Variants in ELN observed in about 807,000 individuals in gnomAD.
ELN encodes the protein tropoelastin.
ELN carries 65 observed loss-of-function variants against 105.8 expected under a neutral mutation model. That is an observed-to-expected ratio of 0.61 (90% CI 0.50 to 0.75). The LOEUF (loss-of-function observed/expected upper bound fraction) is 0.75. Among genes scored for constraint, ELN ranks in the 30% least tolerant of loss-of-function variants. The pLI, the probability that ELN is intolerant of heterozygous loss-of-function variation, is 0.00. For missense variants in ELN, 882 were observed against 969.4 expected (o/e 0.91, Z 1.20); for synonymous variants, 368 against 389.2 (o/e 0.95, Z 0.64).
intron 5 of ELN, 23 bp downstream of exon 5, chr7:74,041,274 G>C: frequency 6.2e-7 from 1 of 1,613,796 alleles, no homozygotes; most frequent in Non-Finnish European, 8.5e-7. Flanking sequence ...ACCCAAGAAA[G>C]ATATCCCCTG....
chr7:74,038,463 T>C (rs1213624723), intron 4 of ELN, among the ~76,000 whole-genome samples: 4 of 152,186 alleles, frequency 2.6e-5, no homozygotes, highest in African/African-American at 9.7e-5. Context: ...AGTTTTCCAG[T>C]AAGAAGGTGT....
At chr7:74,029,472 G>C (rs538465096) in intron 1 of ELN, among the ~76,000 whole-genome samples, 1 of 152,062 alleles carries the variant, frequency 6.6e-6, no homozygotes, top group African/African-American at 2.4e-5. Context: ...TGGTAGGGGG[G>C]TCTGGGTGGA....
chr7:74,042,550 C>T, intron 5 of ELN, 64 bp from the exon 6 acceptor site: 2 of 1,486,420 alleles, frequency 1.3e-6, no homozygotes, highest in South Asian at 1.2e-5. Flanking sequence ...CCAGGCAGGG[C>T]CAGAGCGTAG....
At chr7:74,043,450 A>G (rs1266776606) in intron 8 of ELN, 4 of 699,426 alleles carry the variant, frequency 5.7e-6, no homozygotes, top group Non-Finnish European at 1.0e-5. Context: ...CAAAGAGGCG[A>G]GTCAGTGTGG....
At chr7:74,042,467 T>C (rs1791453359) in intron 5 of ELN, 147 bp from the exon 6 acceptor site, 3 of 691,376 alleles carry the variant, frequency 4.3e-6, no homozygotes, top group Non-Finnish European at 7.5e-6. Flanking sequence ...AGTGCTCACA[T>C]GGATGTCCTG....
chr7:74,033,583 A>C (rs1424116284), intron 1 of ELN, among the ~76,000 whole-genome samples: 1 of 152,208 alleles, frequency 6.6e-6, no homozygotes, highest in Non-Finnish European at 1.5e-5. Context: ...GCAGTGCCTG[A>C]GGAGCCACAA....
Position 74,068,795 on chromosome 7 carries a change from C to G in ELN, c.*95C>G, listed in dbSNP as rs181078432. On this transcript the variant is annotated 3_prime_UTR_variant, in exon 33 of 33. Coordinates refer to ENST00000252034, the MANE Select transcript of ELN (RefSeq NM_000501.4). Reference sequence around the variant, plus strand: ...TTTGTAACCCCATCCCATGCCCCTCCGACTCCCCACCCCAGGAGGGAACGG... The same window carrying G: ...TTTGTAACCCCATCCCATGCCCCTCGGACTCCCCACCCCAGGAGGGAACGG... 1.4e-6 allele frequency: 2 copies of G among 1,472,758 alleles called. No homozygotes were observed. The highest frequency in any genetic ancestry group is 2.3e-5 in the South Asian group (2 of 87,960). The allele number at this position is 1,472,758 out of a possible 1,614,324, so 91.2% of individuals were successfully genotyped here.
chr7:74,055,763 G>T (rs942576372), intron 19 of ELN, among the ~76,000 whole-genome samples: 1 of 149,732 alleles, frequency 6.7e-6, no homozygotes, highest in Admixed American at 6.7e-5. Flanking sequence ...TTATGGGCAT[G>T]AGCCACTGCA....
chr7:74,057,822 G>A, intron 22 of ELN, 126 bp downstream of exon 22: 2 of 1,122,846 alleles, frequency 1.8e-6, no homozygotes, highest in Middle Eastern at 2.9e-4. Context: ...TTCTGGGGTG[G>A]GCCCTCCTTA....
At chr7:74,055,821 C>G (rs1219808546) in intron 19 of ELN, among the ~76,000 whole-genome samples, 15 of 150,716 alleles carry the variant, frequency 1.0e-4, no homozygotes, top group Admixed American at 2.0e-4. Flanking sequence ...GAGTCTTGCT[C>G]TGTCACCCAG....
intron 5 of ELN, among the ~76,000 whole-genome samples, chr7:74,042,278 A>AG (rs1791410136): frequency 6.6e-6 from 1 of 150,852 alleles, no homozygotes; most frequent in Non-Finnish European, 1.5e-5. Context: ...AAAAAAAAAA[A>AG]TTTGCCGGGC....
chr7:74,044,858 A>G (rs966641381), intron 9 of ELN, among the ~76,000 whole-genome samples: 28 of 152,128 alleles, frequency 1.8e-4, no homozygotes, highest in African/African-American at 6.0e-4. Context: ...AGCCCCAGAG[A>G]GCATGGGCCT....
chr7:74,056,473 G>C (rs1218325089), intron 20 of ELN, 38 bp downstream of exon 20: 1 of 1,612,598 alleles, frequency 6.2e-7, no homozygotes, highest in Non-Finnish European at 8.5e-7. Flanking sequence ...GGGTTGAGAA[G>C]GGATGGGGGC....
In ELN at chr7:74,056,666, T is replaced by C. The variant is rs891277914; in HGVS notation, c.1316-6T>C. ...GAGGGTCTCTTTCTTTCTCGTTTCC[T>C]TGTAGCCGAAGCTCAGGCAGCAGCT... is the stretch of plus-strand genomic sequence containing the variant. On this transcript the variant is annotated splice_polypyrimidine_tract_variant and splice_region_variant and intron_variant, in intron 20 of 32. Transcript: ENST00000252034. The C allele has an allele frequency of 6.2e-7, 1 of 1,613,878 alleles. No individual in the cohort carries two copies. The highest frequency in any genetic ancestry group is 8.5e-7 in the Non-Finnish European group (1 of 1,180,034).
In ELN at chr7:74,042,752, TG is replaced by T. The variant is rs781880720; in HGVS notation, c.325+50del. ...CATGCCACAAGCCCTCTGGCTTCCG[TG>T]GGGCCCTCCGCTTTGCAAAGAACCT... On this transcript the variant is annotated intron_variant, in intron 6 of 32. Coordinates refer to ENST00000252034, the MANE Select transcript of ELN (RefSeq NM_000501.4). The T allele has an allele frequency of 5.6e-6, 9 of 1,604,142 alleles. No homozygotes were observed. In the Admixed American group the frequency reaches 1.3e-4, roughly 24 times the overall value.
chr7:74,047,331 AG>A lies in ELN; in HGVS notation c.644-343del, dbSNP rs1792812045. 2.6e-5 allele frequency among the ~76,000 whole-genome samples: 4 copies of A among 152,358 alleles called. No individual in the cohort carries two copies. In the South Asian group the frequency reaches 8.3e-4, roughly 32 times the overall value. ...TGGAAAGGAACACGGTTCATTGGAAAGATCCCTCTAACATCCACCCACTCGT... is the reference window on the plus strand; with the variant it reads ...TGGAAAGGAACACGGTTCATTGGAAAATCCCTCTAACATCCACCCACTCGT... On this transcript the variant is annotated intron_variant, in intron 12 of 32. Coordinates refer to ENST00000252034, the MANE Select transcript of ELN (RefSeq NM_000501.4).
rs369158067 is a variant in ELN, at chr7:74,046,266, T to C, written c.571+49T>C. 1.1e-4 allele frequency: 185 copies of C among 1,613,670 alleles called. No individual in the cohort carries two copies. In the African/African-American group the frequency reaches 2.2e-3, roughly 19 times the overall value. ...GCAGGGTGGCCAGCCAGGCAGAGGC[T>C]CTGGCGTTGGGAGGGGTTGGGCACC... On this transcript the variant is annotated intron_variant, in intron 11 of 32. Coordinates refer to ENST00000252034, the MANE Select transcript of ELN (RefSeq NM_000501.4).
chr7:74,067,036 A>C (rs1485374511), intron 32 of ELN, among the ~76,000 whole-genome samples: 2 of 152,242 alleles, frequency 1.3e-5, no homozygotes, highest in Admixed American at 6.5e-5. Context: ...CTGTAATCCC[A>C]GCACTTTGGG....
At chr7:74,067,954 A>C (rs1464370031) in intron 32 of ELN, among the ~76,000 whole-genome samples, 2 of 150,834 alleles carry the variant, frequency 1.3e-5, no homozygotes, top group Non-Finnish European at 3.0e-5. Context: ...AAAAAAAAAA[A>C]AAAAAACCTT....
Sources: gnomAD v4.1 joint callset for allele counts (sites outside exome capture counted in the v4.1 genomes callset) on GRCh38, gnomAD v4.1.1 for gene constraint, MANE v1.5 for transcripts, NCBI Gene and HGNC (gene_info 2026-07-23, HGNC 2026-07-21) for gene names.